The following IHH variants were observed in gnomAD, a reference collection of about 807,000 sequenced individuals.
The protein encoded by IHH is Indian hedgehog signaling molecule.
IHH carries 9 observed loss-of-function variants against 29.4 expected under a neutral mutation model. The ratio of observed to expected loss-of-function variants is 0.31; its 90% CI spans 0.18 to 0.53. IHH has a LOEUF of 0.53. IHH is among the 20% of genes least tolerant of loss of function. IHH has a pLI of 0.95. For synonymous variants in IHH, 254 were observed against 252.7 expected, an observed-to-expected ratio of 1.01 and a Z score of -0.05; for missense variants, 454 against 578.1, an observed-to-expected ratio of 0.79 and a Z score of 2.20.
chr2:219,055,534 G>A lies in IHH; in HGVS notation c.909C>T (p.Tyr303=), dbSNP rs758078057. The A allele has an allele frequency of 2.7e-5, 43 of 1,612,460 alleles. No individual in the cohort carries two copies. In the East Asian group the frequency reaches 8.5e-4, roughly 32 times the overall value. ...TFASHVQPGQ[Y]VLVAGVPGLQ... ...GGCCTGGCACCCCAGCCACCAGCAC[G>A]TACTGGCCAGGCTGCACGTGGCTGG... Residue 303 remains tyrosine, a synonymous_variant, in exon 3 of 3, where the codon TAC becomes TAT. Transcript: ENST00000295731.
Position 219,057,440 on chromosome 2 carries a change from G to A in IHH, c.570C>T (p.Val190=). The change falls in exon 2 of 3, where the codon GTC becomes GTT. Residue 190 remains valine, a synonymous_variant. Coordinates refer to ENST00000295731, the MANE Select transcript of IHH (RefSeq NM_002181.4). The part of the protein sequence containing the change: ...YESKAHVHCS[V]KSEHSAAAKT... ...CCCCCGGCGGCGGCTCACCGGACTT[G>A]ACGGAGCAATGCACGTGGGCCTTTG... The A allele has an allele frequency of 6.4e-7, 1 of 1,573,144 alleles. No homozygotes were observed. Among genetic ancestry groups the A allele is most frequent in the Non-Finnish European group, 8.6e-7 (1 of 1,159,914 alleles).
In IHH at chr2:219,057,523, A is replaced by G. The variant is rs1429547159; in HGVS notation, c.487T>C (p.Tyr163His). 1 of 1,613,726 alleles carries G rather than the reference A, an allele frequency of 6.2e-7. No homozygotes were observed. Among genetic ancestry groups the G allele is most frequent in the Non-Finnish European group, 8.5e-7 (1 of 1,179,970 alleles). The change falls in exon 2 of 3, where the codon TAT (tyrosine) becomes CAT (histidine). Residue 163 changes from tyrosine to histidine, a missense_variant. This residue lies in a region of IHH where 70 missense variants were observed against 140.1 expected (regional missense o/e 0.50). Coordinates refer to ENST00000295731, the MANE Select transcript of IHH (RefSeq NM_002181.4). ...ACTGCCAAGCGCGCCAGCAGTCCAT[A>G]CTTATTGCGGTCGCGGTCTGATGTG... ...ITTSDRDRNK[Y>H]GLLARLAVEA... is the part of the protein sequence containing the mutation.
chr2:219,055,081 C>T lies in IHH; in HGVS notation c.*126G>A. Reference sequence around the variant, plus strand: ...CAGTCAAGTCTCAATGGTGTATCTTCATGGCAGAGGAGATGGCAGGAGCCA... The same window carrying T: ...CAGTCAAGTCTCAATGGTGTATCTTTATGGCAGAGGAGATGGCAGGAGCCA... On this transcript the variant is annotated 3_prime_UTR_variant, in exon 3 of 3. Transcript: ENST00000295731. 2.0e-6 allele frequency: 2 copies of T among 1,008,646 alleles called. No homozygotes were observed. The highest frequency in any genetic ancestry group is 3.0e-6 in the Non-Finnish European group (2 of 677,426). 62.5% of individuals were successfully genotyped at this position (1,008,646 alleles called of 1,614,324 possible).
In IHH at chr2:219,055,093, G is replaced by A; in HGVS notation, c.*114C>T. ...AATGGTGTATCTTCATGGCAGAGGA[G>A]ATGGCAGGAGCCAGTGTCCCCCAGC... On this transcript the variant is annotated 3_prime_UTR_variant, in exon 3 of 3. Coordinates refer to ENST00000295731, the MANE Select transcript of IHH (RefSeq NM_002181.4). The A allele has an allele frequency of 3.6e-6, 4 of 1,102,460 alleles. No individual in the cohort carries two copies. The highest frequency in any genetic ancestry group is 5.3e-6 in the Non-Finnish European group (4 of 757,246). 68.3% of individuals were successfully genotyped at this position (1,102,460 alleles called of 1,614,324 possible).
In IHH at chr2:219,057,512, C is replaced by A; in HGVS notation, c.498G>T (p.Leu166=). The stretch of plus-strand genomic sequence containing the variant: ...AGCCGGCCTCCACTGCCAAGCGCGC[C>A]AGCAGTCCATACTTATTGCGGTCGC... The part of the protein sequence containing the change: ...SDRDRNKYGL[L]ARLAVEAGFD... The change falls in exon 2 of 3, where the codon CTG becomes CTT. Residue 166 remains leucine (L), a synonymous_variant. Coordinates refer to ENST00000295731, the MANE Select transcript of IHH (RefSeq NM_002181.4). 6.2e-7 allele frequency: 1 copy of A among 1,613,912 alleles called. No individual in the cohort carries two copies. The highest frequency in any genetic ancestry group is 8.5e-7 in the Non-Finnish European group (1 of 1,179,982).
At position 219,057,705 on chromosome 2, in the gene IHH, A is replaced by C. The variant is rs761367636; in HGVS notation, c.316-11T>G. Reference sequence around the variant, plus strand: ...GCGGTCCTTGCAGCGCTGGGAGAGGAATGTGCGCGAAATCAACCAGAGCGA... The same window carrying C: ...GCGGTCCTTGCAGCGCTGGGAGAGGCATGTGCGCGAAATCAACCAGAGCGA... On this transcript the variant is annotated splice_polypyrimidine_tract_variant and intron_variant, in intron 1 of 2. Transcript: ENST00000295731. The C allele has an allele frequency of 6.2e-7, 1 of 1,603,566 alleles. No homozygotes were observed. The highest frequency in any genetic ancestry group is 8.5e-7 in the Non-Finnish European group (1 of 1,179,944).
rs1948876339 is a variant in IHH at position 219,060,825 on chromosome 2, G to C, written c.-358C>G. The stretch of plus-strand genomic sequence containing the variant: ...CTGGGCTGGGCTGGCCGGGCCGGCG[G>C]GCTGCAGGGCCCCGCGGTTAGCACC... On this transcript the variant is annotated 5_prime_UTR_variant, in exon 1 of 3. Transcript: ENST00000295731. The surrounding 1 kb of genome is among the most constrained non-coding windows in gnomAD (Gnocchi z 8.8). Among the ~76,000 whole-genome samples, 1 of 147,928 alleles carries C rather than the reference G, an allele frequency of 6.8e-6. No individual in the cohort carries two copies. The highest frequency in any genetic ancestry group is 1.5e-5 in the Non-Finnish European group (1 of 66,546).
At chr2:219,057,723 C>T (rs1410673145) in intron 1 of IHH, 29 bp from the exon 2 acceptor site, 1 of 1,601,302 alleles carries the variant, frequency 6.2e-7, no homozygotes, top group Non-Finnish European at 8.5e-7. Context: ...CGAAATCAAC[C>T]AGAGCGAAAT....
At position 219,057,517 on chromosome 2, in the gene IHH, G is replaced by C. The variant is rs1948841874; in HGVS notation, c.493C>G (p.Leu165Val). 1 of 1,613,878 alleles carries C rather than the reference G, an allele frequency of 6.2e-7. No homozygotes were observed. The highest frequency in any genetic ancestry group is 2.2e-5 in the East Asian group (1 of 44,884). The part of the protein sequence containing the change: ...TSDRDRNKYG[L>V]LARLAVEAGF... ...GCCTCCACTGCCAAGCGCGCCAGCAGTCCATACTTATTGCGGTCGCGGTCT... is the reference window on the plus strand; with the variant it reads ...GCCTCCACTGCCAAGCGCGCCAGCACTCCATACTTATTGCGGTCGCGGTCT... Residue 165 changes from leucine (L) to valine (V), a missense_variant, in exon 2 of 3, where the codon CTG (leucine) becomes GTG (valine). By Grantham distance (32) the Leu-to-Val change is conservative. This residue lies in a region of IHH where 70 missense variants were observed against 140.1 expected (regional missense o/e 0.50). Coordinates refer to ENST00000295731, the MANE Select transcript of IHH (RefSeq NM_002181.4).
In IHH at chr2:219,060,518, G is replaced by A. The variant is rs754186649; in HGVS notation, c.-51C>T. 33 of 1,298,056 alleles carry A rather than the reference G, an allele frequency of 2.5e-5. No homozygotes were observed. The highest frequency in any genetic ancestry group is 2.0e-4 in the African/African-American group (13 of 63,976). 80.4% of individuals were successfully genotyped at this position (1,298,056 alleles called of 1,614,324 possible). A position where few individuals can be genotyped will look rare whatever the true frequency, so the allele number is the denominator to read the frequency against. ...GGCGAGGTCTCCTGGTGGGCTGATG[G>A]GCAGGCGCGTCGACGGGAGCGCTGC... On this transcript the variant is annotated 5_prime_UTR_variant, in exon 1 of 3. Coordinates refer to ENST00000295731, the MANE Select transcript of IHH (RefSeq NM_002181.4). The surrounding 1 kb of genome is among the most constrained non-coding windows in gnomAD (Gnocchi z 8.8).
chr2:219,058,569 C>T (rs2106309279), intron 1 of IHH: 1 of 153,800 alleles, frequency 6.5e-6, no homozygotes, highest in South Asian at 2.1e-4. Context: ...CCACCATCCT[C>T]CTCACGTGGA....
In IHH at chr2:219,060,372, C is replaced by T; in HGVS notation, c.96G>A (p.Arg32=). 1.9e-6 allele frequency: 3 copies of T among 1,603,868 alleles called. No homozygotes were observed. Among genetic ancestry groups the T allele is most frequent in the Non-Finnish European group, 1.7e-6 (2 of 1,178,400 alleles). The change falls in exon 1 of 3, where the codon CGG becomes CGA. Residue 32 remains arginine, a synonymous_variant. Transcript: ENST00000295731. This position sits in a 1 kb window ranked among gnomAD's most constrained non-coding sequence, Gnocchi z 8.8. The part of the protein sequence containing the change: ...VPAAWGCGPG[R]VVGSRRRPPR... ...GCGGTCGCCGGCGGCTGCCCACCACCCGACCCGGCCCGCAGCCCCATGCCG... is the reference window on the plus strand; with the variant it reads ...GCGGTCGCCGGCGGCTGCCCACCACTCGACCCGGCCCGCAGCCCCATGCCG...
At position 219,054,991 on chromosome 2, in the gene IHH, C is replaced by G; in HGVS notation, c.*216G>C. ...GGAGAGAGGGGTCAACAACCATCCC[C>G]TCGCCAGCTCAGCTTGCAGCTCTAT... On this transcript the variant is annotated 3_prime_UTR_variant, in exon 3 of 3. Transcript: ENST00000295731. 1 of 605,234 alleles carries G rather than the reference C, an allele frequency of 1.7e-6. No homozygotes were observed. The highest frequency in any genetic ancestry group is 2.8e-5 in the East Asian group (1 of 35,706). 37.5% of individuals were successfully genotyped at this position (605,234 alleles called of 1,614,324 possible). A position where few individuals can be genotyped will look rare whatever the true frequency, so the allele number is the denominator to read the frequency against.
At position 219,058,659 on chromosome 2, in the gene IHH, A is replaced by C. The variant is rs375792353; in HGVS notation, c.316-965T>G. 1.6e-3 allele frequency: 241 copies of C among 152,972 alleles called. 2 individuals are homozygous for C. Among genetic ancestry groups the C allele is most frequent in the African/African-American group, 5.7e-3 (232 of 40,984 alleles). 9.5% of individuals were successfully genotyped at this position (152,972 alleles called of 1,614,324 possible). A position where few individuals can be genotyped will look rare whatever the true frequency, so the allele number is the denominator to read the frequency against. Reference sequence around the variant, plus strand: ...TGCCTCCTGGTGTGCCTGGGTCCTGAGAGCCCAAGAGACTGTGCAGCTGAC... The same window carrying C: ...TGCCTCCTGGTGTGCCTGGGTCCTGCGAGCCCAAGAGACTGTGCAGCTGAC... On this transcript the variant is annotated intron_variant, in intron 1 of 2. Coordinates refer to ENST00000295731, the MANE Select transcript of IHH (RefSeq NM_002181.4).
rs767741302 is a variant in IHH at position 219,055,917 on chromosome 2, G to C, written c.578-52C>G. The C allele has an allele frequency of 7.1e-6, 11 of 1,560,264 alleles. No individual in the cohort carries two copies. In the East Asian group the frequency reaches 2.4e-4, roughly 33 times the overall value. ...TTACTGCTGTGCAGCTCAGCCTCCT[G>C]GTCACAACGACCCTCCCTTGGCCAC... On this transcript the variant is annotated intron_variant, in intron 2 of 2. Coordinates refer to ENST00000295731, the MANE Select transcript of IHH (RefSeq NM_002181.4).
rs1948816352 is a variant in IHH, at chr2:219,054,974, G to T, written c.*233C>A. 2 of 582,820 alleles carry T rather than the reference G, an allele frequency of 3.4e-6. No individual in the cohort carries two copies. Among genetic ancestry groups the T allele is most frequent in the Non-Finnish European group, 6.1e-6 (2 of 326,300 alleles). The allele number at this position is 582,820 out of a possible 1,614,324, so 36.1% of individuals were successfully genotyped here. A position where few individuals can be genotyped will look rare whatever the true frequency, so the allele number is the denominator to read the frequency against. On this transcript the variant is annotated 3_prime_UTR_variant, in exon 3 of 3. Transcript: ENST00000295731. Reference sequence around the variant, plus strand: ...CAGCCTCAAGGTCTCTAGGAGAGAGGGGTCAACAACCATCCCCTCGCCAGC... The same window carrying T: ...CAGCCTCAAGGTCTCTAGGAGAGAGTGGTCAACAACCATCCCCTCGCCAGC...
rs961069899 is a variant in IHH, at chr2:219,054,968, A to G, written c.*239T>C. 1 of 577,508 alleles carries G rather than the reference A, an allele frequency of 1.7e-6. No individual in the cohort carries two copies. The highest frequency in any genetic ancestry group is 1.9e-5 in the African/African-American group (1 of 53,534). The allele number at this position is 577,508 out of a possible 1,614,324, so 35.8% of individuals were successfully genotyped here. A position where few individuals can be genotyped will look rare whatever the true frequency, so the allele number is the denominator to read the frequency against. ...CCGTGCCAGCCTCAAGGTCTCTAGGAGAGAGGGGTCAACAACCATCCCCTC... is the reference window on the plus strand; with the variant it reads ...CCGTGCCAGCCTCAAGGTCTCTAGGGGAGAGGGGTCAACAACCATCCCCTC... On this transcript the variant is annotated 3_prime_UTR_variant, in exon 3 of 3. Coordinates refer to ENST00000295731, the MANE Select transcript of IHH (RefSeq NM_002181.4).
At chr2:219,057,763 G>A (rs1948843937) in intron 1 of IHH, 69 bp from the exon 2 acceptor site, 1 of 1,574,818 alleles carries the variant, frequency 6.3e-7, no homozygotes, top group Non-Finnish European at 8.6e-7. Context: ...AGGTGCAGGT[G>A]TAGGCGCAGC....
chr2:219,056,530 G>A (rs1171665513), intron 2 of IHH, among the ~76,000 whole-genome samples: 1 of 152,220 alleles, frequency 6.6e-6, no homozygotes, highest in Non-Finnish European at 1.5e-5. Context: ...AATGTTTGCA[G>A]TGAAGGGTGG....
Sources: gnomAD v4.1 joint callset for allele counts (sites outside exome capture counted in the v4.1 genomes callset) on GRCh38, gnomAD v4.1.1 for gene constraint, gnomAD v4.1.1 regional missense constraint, Gnocchi (gnomAD v3.1) non-coding constraint, MANE v1.5 for transcripts, NCBI Gene and HGNC (gene_info 2026-07-23, HGNC 2026-07-21) for gene names.